The following STK32A variants were observed in gnomAD, a reference collection of about 807,000 sequenced individuals.
STK32A encodes serine/threonine kinase 32A.
STK32A carries 41 observed loss-of-function variants against 53.2 expected under a neutral mutation model. That is an observed-to-expected ratio of 0.77 (90% CI 0.60 to 1.00). STK32A has a LOEUF of 1.00. Among genes scored for constraint, STK32A ranks in the 50% least tolerant of loss-of-function variants. The probability of loss-of-function intolerance (pLI) is 0.00; values close to 1 mark genes in which losing one functional copy is unlikely to be tolerated. For synonymous variants in STK32A, 166 were observed against 162.8 expected, an observed-to-expected ratio of 1.02 and a Z score of -0.15; for missense variants, 458 against 485.8, an observed-to-expected ratio of 0.94 and a Z score of 0.54.
chr5:147,239,449 C>G, intron 1 of STK32A, 90 bp from the exon 2 acceptor site: 1 of 503,402 alleles, frequency 2.0e-6, no homozygotes, highest in Non-Finnish European at 3.6e-6. Context: ...TACAGTGATA[C>G]AGATGAGGTT....
At chr5:147,332,621 T>C (rs1013527683) in intron 5 of STK32A, among the ~76,000 whole-genome samples, 4 of 152,226 alleles carry the variant, frequency 2.6e-5, no homozygotes, top group East Asian at 1.9e-4. Flanking sequence ...GAAAATGCCC[T>C]TTCTTTTTGT....
At chr5:147,344,963 C>T (rs1755612021) in intron 6 of STK32A, among the ~76,000 whole-genome samples, 1 of 152,210 alleles carries the variant, frequency 6.6e-6, no homozygotes, top group African/African-American at 2.4e-5. Context: ...CTTCAGTCAA[C>T]TTCTTCCTCC....
the STK32A span, among the ~76,000 whole-genome samples, chr5:147,399,632 T>C: frequency 5.5e-4 from 84 of 152,234 alleles, no homozygotes; most frequent in Non-Finnish European, 1.0e-3. Context: ...ATATGTTGTA[T>C]GCATAGAATA....
At position 147,342,994 on chromosome 5, in the gene STK32A, T is replaced by C. The variant is rs1755506617; in HGVS notation, c.435-12T>C. 6.2e-7 allele frequency: 1 copy of C among 1,613,020 alleles called. No individual in the cohort carries two copies. Among genetic ancestry groups the C allele is most frequent in the African/African-American group, 1.3e-5 (1 of 74,888 alleles). On this transcript the variant is annotated splice_polypyrimidine_tract_variant and intron_variant, in intron 5 of 12. Coordinates refer to ENST00000397936, the MANE Select transcript of STK32A (RefSeq NM_001112724.2). ...TTGTGAGCAACTTTCTTTTTTCTTT[T>C]TACTCCTCTAGGGATATGAAGCCTG...
the STK32A span, chr5:147,401,934 T>G: frequency 2.5e-6 from 1 of 399,184 alleles, no homozygotes; most frequent in Non-Finnish European, 4.3e-6. Context: ...GTGTTAATTC[T>G]CAAATTTTGA....
At chr5:147,251,453 G>A (rs1467001472) in intron 2 of STK32A, among the ~76,000 whole-genome samples, 2 of 152,228 alleles carry the variant, frequency 1.3e-5, no homozygotes, top group African/African-American at 4.8e-5. Context: ...ACTGGACAGA[G>A]GCACAGGAAG....
chr5:147,394,152 A>T, the STK32A span: 1 of 1,474,262 alleles, frequency 6.8e-7, no homozygotes, highest in East Asian at 2.4e-5. Context: ...TCCCAGGGGG[A>T]AAAAAAAAAC....
At chr5:147,362,129 G>GA (rs1302989808) in intron 8 of STK32A, among the ~76,000 whole-genome samples, 5 of 151,948 alleles carry the variant, frequency 3.3e-5, no homozygotes, top group Admixed American at 3.3e-4. Context: ...CTCTTTCCCA[G>GA]AAAAAAGAGA....
chr5:147,275,310 A>G (rs1003844545), intron 2 of STK32A, among the ~76,000 whole-genome samples: 2 of 150,564 alleles, frequency 1.3e-5, no homozygotes, highest in Non-Finnish European at 2.9e-5. Context: ...GTCAGGATTG[A>G]ATAAGAGAAC....
At chr5:147,295,147 T>C (rs1267853741) in intron 4 of STK32A, among the ~76,000 whole-genome samples, 1 of 152,228 alleles carries the variant, frequency 6.6e-6, no homozygotes, top group African/African-American at 2.4e-5. Context: ...TTATTTTGTT[T>C]ATTAACAGAT....
At chr5:147,236,178 C>T (rs1334911188) in intron 1 of STK32A, among the ~76,000 whole-genome samples, 1 of 152,080 alleles carries the variant, frequency 6.6e-6, no homozygotes, top group Admixed American at 6.5e-5. Context: ...GTTGACAACC[C>T]CCAAATTACA....
At position 147,239,695 on chromosome 5, in the gene STK32A, T is replaced by C; in HGVS notation, c.52+9T>C. The C allele has an allele frequency of 6.3e-7, 1 of 1,599,002 alleles. No homozygotes were observed. Among genetic ancestry groups the C allele is most frequent in the Non-Finnish European group, 8.5e-7 (1 of 1,170,920 alleles). ...TGATGAAAATGAAGATGGTAAGAAA[T>C]ATGGGATAGTGGCATATAAAAAATA... On this transcript the variant is annotated intron_variant, in intron 2 of 12. Transcript: ENST00000397936.
At chr5:147,277,322 T>C (rs1177600871) in intron 2 of STK32A, among the ~76,000 whole-genome samples, 2 of 152,238 alleles carry the variant, frequency 1.3e-5, no homozygotes, top group African/African-American at 4.8e-5. Context: ...GGAGAATCTA[T>C]GATTTGTTCT....
intron 6 of STK32A, among the ~76,000 whole-genome samples, chr5:147,347,183 G>A (rs1320688746): frequency 2.6e-5 from 4 of 152,146 alleles, no homozygotes; most frequent in Admixed American, 2.0e-4. Context: ...AGAGCACTGC[G>A]TTGATGAAAG....
chr5:147,289,042 G>A (rs979153381), intron 4 of STK32A, among the ~76,000 whole-genome samples: 2 of 152,094 alleles, frequency 1.3e-5, no homozygotes, highest in African/African-American at 4.8e-5. Flanking sequence ...GGTTCATTGT[G>A]GACATCCAAA....
At chr5:147,252,931 G>A (rs1188817908) in intron 2 of STK32A, among the ~76,000 whole-genome samples, 1 of 152,136 alleles carries the variant, frequency 6.6e-6, no homozygotes, top group Non-Finnish European at 1.5e-5. Flanking sequence ...ATGCATTAAT[G>A]ATCTATTTTT....
downstream of STK32A, among the ~76,000 whole-genome samples, chr5:147,389,212 C>G (rs141465546): frequency 6.5e-3 from 991 of 152,268 alleles, 8 homozygotes; most frequent in African/African-American, 0.023. Context: ...ATCTCCTCCC[C>G]ACCCGTCCCA....
intron 6 of STK32A, chr5:147,348,793 G>A: frequency 1.4e-6 from 1 of 731,094 alleles, no homozygotes; most frequent in South Asian, 1.5e-5. Context: ...TTCTGATAAT[G>A]ACGGATATCA....
At chr5:147,324,107 C>T (rs201452878) in intron 5 of STK32A, 36 bp downstream of exon 5, 45 of 1,544,784 alleles carry the variant, frequency 2.9e-5, no homozygotes, top group African/African-American at 1.5e-4. Context: ...ATGAACGTAA[C>T]GCAAGGAGAG....
Sources: allele counts gnomAD v4.1 joint callset (sites outside exome capture counted in the v4.1 genomes callset), GRCh38; gene constraint gnomAD v4.1.1; transcripts MANE v1.5; gene names NCBI Gene and HGNC (gene_info 2026-07-23, HGNC 2026-07-21).